KMT2E: variants seen among roughly 807,000 people sequenced by gnomAD.
The protein encoded by KMT2E is lysine methyltransferase 2E (inactive), also known as histone reader KMT2E.
In KMT2E, 30 loss-of-function variants were observed where a neutral mutation model predicts 184.6. That is an observed-to-expected ratio of 0.16 (90% CI 0.12 to 0.22). The LOEUF (loss-of-function observed/expected upper bound fraction) is 0.22. Ranked by LOEUF, KMT2E falls within the 10% of genes least tolerant of loss-of-function variation. KMT2E has a pLI of 1.00. For synonymous variants in KMT2E, 815 were observed against 776.5 expected, an observed-to-expected ratio of 1.05 and a Z score of -0.82; for missense variants, 2,023 against 2,237.4, an observed-to-expected ratio of 0.90 and a Z score of 1.93.
At chr7:105,027,653 T>C (rs1795227609) in intron 1 of KMT2E, among the ~76,000 whole-genome samples, 1 of 152,212 alleles carries the variant, frequency 6.6e-6, no homozygotes, top group African/African-American at 2.4e-5. Flanking sequence ...AGTTGTATTA[T>C]ACTAGTCTTC....
At chr7:105,096,906 C>T (rs1798433448) in intron 15 of KMT2E, among the ~76,000 whole-genome samples, 1 of 152,182 alleles carries the variant, frequency 6.6e-6, no homozygotes, top group Non-Finnish European at 1.5e-5. Context: ...TGAAAAAGAG[C>T]CGTGACCAGT....
chr7:105,081,855 G>A, intron 13 of KMT2E, 58 bp downstream of exon 13: 1 of 721,794 alleles, frequency 1.4e-6, no homozygotes, highest in Non-Finnish European at 2.4e-6. Context: ...TAATGTCCCT[G>A]TAATAATTTA....
intron 1 of KMT2E, among the ~76,000 whole-genome samples, chr7:105,035,071 C>A (rs757926869): frequency 3.3e-4 from 49 of 147,364 alleles, no homozygotes; most frequent in Non-Finnish European, 5.2e-4. Flanking sequence ...GTTGCCCAGG[C>A]TGGGGTGCAG....
Position 105,102,207 on chromosome 7 carries a change from T to A in KMT2E, c.2196+13T>A, listed in dbSNP as rs1798684514. 6.4e-7 allele frequency: 1 copy of A among 1,572,406 alleles called. No individual in the cohort carries two copies. Among genetic ancestry groups the A allele is most frequent in the African/African-American group, 1.4e-5 (1 of 72,234 alleles). On this transcript the variant is annotated intron_variant, in intron 17 of 26. Transcript: ENST00000311117. ...CAAAACAAAGAAGGTATGATTCTAA[T>A]GAATGTAAGAACTGTTTTTCTAACA...
chr7:105,030,424 A>G (rs563574698), intron 1 of KMT2E, among the ~76,000 whole-genome samples: 35 of 152,378 alleles, frequency 2.3e-4, no homozygotes, highest in African/African-American at 8.2e-4. Context: ...ATATGCCAAC[A>G]ATAGCAAAAA....
rs141797663 is a variant in KMT2E at position 105,080,157 on chromosome 7, C to T, written c.1248+1194C>T. Among the ~76,000 whole-genome samples the T allele has an allele frequency of 2.0e-3, 307 of 152,168 alleles. 2 individuals carry two copies. Among genetic ancestry groups the T allele is most frequent in the African/African-American group, 6.8e-3 (282 of 41,524 alleles). On this transcript the variant is annotated intron_variant, in intron 12 of 26. Coordinates refer to ENST00000311117, the MANE Select transcript of KMT2E (RefSeq NM_182931.3). ...CCACCAGGTCCAGCCTAATACTGGA[C>T]GACTTTCCTTCTATCTTGGAAGCTC...
chr7:105,109,252 A>C (rs1334669379), intron 23 of KMT2E, 24 bp downstream of exon 23: 2 of 1,600,882 alleles, frequency 1.2e-6, no homozygotes, highest in South Asian at 2.2e-5. Context: ...GAAGTATGCT[A>C]CTCTGGAAAA....
intron 11 of KMT2E, among the ~76,000 whole-genome samples, chr7:105,078,469 C>G (rs1797620558): frequency 6.6e-6 from 1 of 152,028 alleles, no homozygotes; most frequent in Admixed American, 6.6e-5. Context: ...CACTTTGCCT[C>G]TGAAGAGTAA....
chr7:105,106,114 T>C (rs1372946806), intron 19 of KMT2E, 111 bp downstream of exon 19: 7 of 1,095,338 alleles, frequency 6.4e-6, no homozygotes, highest in Non-Finnish European at 7.9e-6. Flanking sequence ...GAGAAGCACA[T>C]TGGTGTATAG....
intron 6 of KMT2E, 93 bp from the exon 7 acceptor site, chr7:105,073,526 C>CT (rs1797411961): frequency 1.3e-6 from 1 of 765,902 alleles, no homozygotes; most frequent in East Asian, 2.7e-5. Flanking sequence ...TGGTTTTTCA[C>CT]TGAGAACATT....
chr7:105,041,022 G>C lies in KMT2E; in HGVS notation c.70G>C (p.Glu24Gln). The change falls in exon 3 of 27, where the codon GAA becomes CAA. Residue 24 changes from glutamate (E) to glutamine (Q), a missense_variant and splice_region_variant. Glu to Gln is a conservative substitution (Grantham distance 29). Coordinates refer to ENST00000311117, the MANE Select transcript of KMT2E (RefSeq NM_182931.3). ...TSYLEMAAGS[E>Q]PESVEASPVV... ...ATACTTGGAAATGGCTGCAGGTTCA[G>C]AGTAAGTATTTAAATTGGTTACATA... 6.7e-7 allele frequency: 1 copy of C among 1,490,430 alleles called. No individual in the cohort carries two copies. The highest frequency in any genetic ancestry group is 2.5e-5 in the East Asian group (1 of 40,392). The allele number at this position is 1,490,430 out of a possible 1,614,324, so 92.3% of individuals were successfully genotyped here. A position where few individuals can be genotyped will look rare whatever the true frequency, so the allele number is the denominator to read the frequency against.
At chr7:105,064,164 G>GTTTTTTTTTTTTTTTTTTTGTTTTTTT (rs1796934058) in intron 5 of KMT2E, 1 of 74,154 alleles carries the variant, frequency 1.3e-5, no homozygotes, top group Non-Finnish European at 2.4e-5. Context: ...TTTTTTCTTG[G>GTTTTTTTTTTTTTTTTTTTGTTTTTTT]TTTTTTTTTT....
rs189896655 is a variant in KMT2E, at chr7:105,067,311, C to T, written c.497+504C>T. Among the ~76,000 whole-genome samples the T allele has an allele frequency of 2.0e-4, 30 of 151,738 alleles. No homozygotes were observed. In the East Asian group the frequency reaches 2.3e-3, roughly 12 times the overall value. On this transcript the variant is annotated intron_variant, in intron 6 of 26. Coordinates refer to ENST00000311117, the MANE Select transcript of KMT2E (RefSeq NM_182931.3). ...GATGGCATCTTTTTTAACTGGAATG[C>T]GCTATATTAAAGAGTTACTAGATGA...
intron 15 of KMT2E, among the ~76,000 whole-genome samples, chr7:105,098,078 CAAAT>C (rs371426910): frequency 6.6e-6 from 1 of 152,240 alleles, no homozygotes; most frequent in African/African-American, 2.4e-5. Flanking sequence ...TTATTAGTAA[CAAAT>C]AATCTTACCC....
At chr7:105,103,473 A>G (rs1226907754) in intron 17 of KMT2E, 1 of 152,164 alleles carries the variant, frequency 6.6e-6, no homozygotes, top group Non-Finnish European at 1.5e-5. Context: ...TTTAATCTTC[A>G]TAACAATCCT....
At chr7:105,020,588 AAAAT>A (rs767306292) in intron 1 of KMT2E, among the ~76,000 whole-genome samples, 20 of 152,370 alleles carry the variant, frequency 1.3e-4, no homozygotes, top group Admixed American at 3.3e-4. Context: ...CATCTCTAAA[AAAAT>A]AAATAAAGTT....
chr7:105,067,141 C>CT (rs1797064384), intron 6 of KMT2E, among the ~76,000 whole-genome samples: 1 of 150,262 alleles, frequency 6.7e-6, no homozygotes. Flanking sequence ...CTAACATACG[C>CT]TTTTCCATTT....
rs1395888128 is a variant in KMT2E, at chr7:105,106,649, A to G, written c.2724A>G (p.Pro908=). 6.2e-7 allele frequency: 1 copy of G among 1,613,968 alleles called. No homozygotes were observed. The highest frequency in any genetic ancestry group is 1.3e-5 in the African/African-American group (1 of 74,914). Residue 908 remains proline (P), a synonymous_variant, in exon 20 of 27, where the codon CCA becomes CCG. Transcript: ENST00000311117. ...PTHTDITPMD[P]SFATPPRIKS... ...ACACCGATATTACTCCTATGGACCCATCTTTTGCCACGCCTCCACGGATAA... is the reference window on the plus strand; with the variant it reads ...ACACCGATATTACTCCTATGGACCCGTCTTTTGCCACGCCTCCACGGATAA...
At chr7:105,049,639 C>T (rs1796247307) in intron 3 of KMT2E, among the ~76,000 whole-genome samples, 1 of 152,106 alleles carries the variant, frequency 6.6e-6, no homozygotes, top group African/African-American at 2.4e-5. Flanking sequence ...GCCTGTAATC[C>T]CAGCACTTTG....
Sources: allele counts gnomAD v4.1 joint callset (sites outside exome capture counted in the v4.1 genomes callset), GRCh38; gene constraint gnomAD v4.1.1; transcripts MANE v1.5; gene names NCBI Gene and HGNC (gene_info 2026-07-23, HGNC 2026-07-21).